Variants in SPATA17 observed in about 807,000 individuals in gnomAD.
SPATA17 encodes the protein spermatogenesis associated 17.
SPATA17 carries 53 observed loss-of-function variants against 62.2 expected under a neutral mutation model. The ratio of observed to expected loss-of-function variants is 0.85; its 90% CI spans 0.68 to 1.07. SPATA17 has a LOEUF of 1.07. Ranked by LOEUF, SPATA17 falls within the 50% of genes least tolerant of loss-of-function variation. SPATA17 has a pLI of 0.00. For synonymous variants in SPATA17, 146 were observed against 146.8 expected, an observed-to-expected ratio of 0.99 and a Z score of 0.04; for missense variants, 466 against 425.5, an observed-to-expected ratio of 1.10 and a Z score of -0.84.
In SPATA17 at chr1:217,720,864, G is replaced by A. The variant is rs180982515; in HGVS notation, c.396-21111G>A. Reference sequence around the variant, plus strand: ...TAATGATGAGATTCACACTCCAGCGGAGAGGATGTGGCTGCAGCCTGCTGG... The same window carrying A: ...TAATGATGAGATTCACACTCCAGCGAAGAGGATGTGGCTGCAGCCTGCTGG... On this transcript the variant is annotated intron_variant, in intron 5 of 10. Coordinates refer to ENST00000366933, the MANE Select transcript of SPATA17 (RefSeq NM_138796.4). Among the ~76,000 whole-genome samples, 15 of 152,282 alleles carry A rather than the reference G, an allele frequency of 9.9e-5. No individual in the cohort carries two copies. The East Asian group carries it at 2.9e-3, about 29-fold the overall frequency.
intron 1 of SPATA17, among the ~76,000 whole-genome samples, chr1:217,635,841 A>G: frequency 6.6e-6 from 1 of 152,056 alleles, no homozygotes; most frequent in East Asian, 1.9e-4. Context: ...AGCCTTAAAA[A>G]GAGTGGACTG....
chr1:217,782,279 G>A lies in SPATA17; in HGVS notation c.829G>A (p.Glu277Lys). ...PIDELKLAREELRREEWLQNV... is the reference protein window; with the variant it reads ...PIDELKLAREKLRREEWLQNV... ...CGATGAGTTAAAGTTGGCCAGAGAGGAGCTCAGAAGAGAGGAATGGCTGCA... is the reference window on the plus strand; with the variant it reads ...CGATGAGTTAAAGTTGGCCAGAGAGAAGCTCAGAAGAGAGGAATGGCTGCA... The change falls in exon 8 of 11, where the codon GAG (glutamate) becomes AAG (lysine). Residue 277 changes from glutamate to lysine, a missense_variant. By Grantham distance (56) the Glu-to-Lys change is moderately conservative. Coordinates refer to ENST00000366933, the MANE Select transcript of SPATA17 (RefSeq NM_138796.4). 6.2e-7 allele frequency: 1 copy of A among 1,611,620 alleles called. No individual in the cohort carries two copies. The highest frequency in any genetic ancestry group is 2.2e-5 in the East Asian group (1 of 44,774).
chr1:217,743,316 A>G (rs1309767758), intron 6 of SPATA17, among the ~76,000 whole-genome samples: 1 of 152,126 alleles, frequency 6.6e-6, no homozygotes, highest in Admixed American at 6.5e-5. Context: ...TTTTAGTTGT[A>G]TAATTGAGGT....
Position 217,635,939 on chromosome 1 carries a change from C to T in SPATA17, c.68+4493C>T, listed in dbSNP as rs188597707. ...CACGAGGTCAGGAATTCGAGACCAGCCTGGCCAACATGGAGAAACCCCGTC... is the reference window on the plus strand; with the variant it reads ...CACGAGGTCAGGAATTCGAGACCAGTCTGGCCAACATGGAGAAACCCCGTC... On this transcript the variant is annotated intron_variant, in intron 1 of 10. Transcript: ENST00000366933. Among the ~76,000 whole-genome samples the T allele has an allele frequency of 3.0e-4, 45 of 151,958 alleles. No homozygotes were observed. In the East Asian group the frequency reaches 8.8e-3, roughly 30 times the overall value.
At chr1:217,848,972 C>T (rs1403901870) in intron 9 of SPATA17, among the ~76,000 whole-genome samples, 1 of 152,052 alleles carries the variant, frequency 6.6e-6, no homozygotes. Context: ...CATATTTTTA[C>T]TTCACTAAAG....
intron 5 of SPATA17, among the ~76,000 whole-genome samples, chr1:217,703,162 A>ACC: frequency 1.6e-5 from 2 of 121,816 alleles, no homozygotes; most frequent in South Asian, 2.5e-4. Context: ...GGCGTGAGCC[A>ACC]TTGCGCTCGG....
chr1:217,633,764 T>C (rs941783719), intron 1 of SPATA17, among the ~76,000 whole-genome samples: 3 of 152,342 alleles, frequency 2.0e-5, no homozygotes, highest in African/African-American at 7.2e-5. Flanking sequence ...TCTTCTGTTT[T>C]CGTAACAAGG....
At chr1:217,686,209 C>T (rs1480428426) in intron 5 of SPATA17, among the ~76,000 whole-genome samples, 1 of 152,020 alleles carries the variant, frequency 6.6e-6, no homozygotes, top group African/African-American at 2.4e-5. Flanking sequence ...ATGGGGATTA[C>T]TAGTCTTTGG....
intron 4 of SPATA17, among the ~76,000 whole-genome samples, chr1:217,675,082 G>A (rs911440063): frequency 5.9e-5 from 9 of 152,044 alleles, no homozygotes; most frequent in Non-Finnish European, 1.2e-4. Context: ...TTGAAGGTGG[G>A]GTTTCACTGG....
chr1:217,642,897 G>A (rs1040910633), intron 1 of SPATA17, among the ~76,000 whole-genome samples: 3 of 152,154 alleles, frequency 2.0e-5, no homozygotes, highest in Non-Finnish European at 4.4e-5. Flanking sequence ...GAAAACGGAT[G>A]AATAACAGAG....
At chr1:217,799,503 A>G (rs1197522018) in intron 8 of SPATA17, among the ~76,000 whole-genome samples, 3 of 152,202 alleles carry the variant, frequency 2.0e-5, no homozygotes, top group East Asian at 1.9e-4. Context: ...TGGAAGGACC[A>G]TAATCTATCT....
At chr1:217,714,488 C>CTGTTTTTTTTTTTTTTTTTTTTT in intron 5 of SPATA17, among the ~76,000 whole-genome samples, 1 of 121,432 alleles carries the variant, frequency 8.2e-6, no homozygotes, top group Non-Finnish European at 1.7e-5. Context: ...AAACGTGTTT[C>CTGTTTTTTTTTTTTTTTTTTTTT]TTTTTTTTTT....
chr1:217,654,629 T>C (rs1203834196), intron 3 of SPATA17, among the ~76,000 whole-genome samples: 1 of 152,156 alleles, frequency 6.6e-6, no homozygotes, highest in Non-Finnish European at 1.5e-5. Flanking sequence ...TTTTTCTCTA[T>C]ATACATTATT....
intron 6 of SPATA17, among the ~76,000 whole-genome samples, chr1:217,742,658 TTTG>T (rs1672648480): frequency 6.6e-6 from 1 of 152,148 alleles, no homozygotes. Context: ...TACCCTGGAT[TTTG>T]TCCTGGTTAC....
chr1:217,785,095 G>A (rs1673827289), intron 8 of SPATA17: 1 of 152,100 alleles, frequency 6.6e-6, no homozygotes, highest in Admixed American at 6.6e-5. Context: ...ATGTTTTTCA[G>A]TTTCTAGAAG....
rs117818157 is a variant in SPATA17 at position 217,785,008 on chromosome 1, G to A, written c.872+2686G>A. The A allele has an allele frequency of 3.3e-5, 5 of 152,260 alleles. No individual in the cohort carries two copies. In the East Asian group the frequency reaches 9.7e-4, roughly 29 times the overall value. The allele number at this position is 152,260 out of a possible 1,614,324, so 9.4% of individuals were successfully genotyped here. ...AGAAGTCCAAGATGGAGGGGTCAGC[G>A]GAGTTGGTTCCTTCTCTGTGAGAAA... On this transcript the variant is annotated intron_variant, in intron 8 of 10. Coordinates refer to ENST00000366933, the MANE Select transcript of SPATA17 (RefSeq NM_138796.4).
intron 1 of SPATA17, among the ~76,000 whole-genome samples, chr1:217,644,995 T>C (rs552580843): frequency 1.3e-4 from 20 of 152,190 alleles, no homozygotes; most frequent in African/African-American, 4.1e-4. Flanking sequence ...GTCTAGCAGT[T>C]CATGACATAT....
chr1:217,817,499 G>T (rs964116382), intron 9 of SPATA17, among the ~76,000 whole-genome samples: 2 of 152,028 alleles, frequency 1.3e-5, no homozygotes, highest in African/African-American at 4.8e-5. Flanking sequence ...CTGTGGATCT[G>T]AGTCAATTAA....
chr1:217,799,441 G>T (rs1197277499), intron 8 of SPATA17, among the ~76,000 whole-genome samples: 1 of 152,038 alleles, frequency 6.6e-6, no homozygotes, highest in Non-Finnish European at 1.5e-5. Flanking sequence ...GGGACATTGG[G>T]GCCACATTAG....
Sources: gnomAD v4.1 joint callset for allele counts (sites outside exome capture counted in the v4.1 genomes callset) on GRCh38, gnomAD v4.1.1 for gene constraint, MANE v1.5 for transcripts, NCBI Gene and HGNC (gene_info 2026-07-23, HGNC 2026-07-21) for gene names.